The following CD33 variants were observed in gnomAD, a reference collection of about 807,000 sequenced individuals.
CD33 encodes the protein CD33 molecule.
Under a neutral mutation model 31.4 loss-of-function variants are expected in CD33, and 25 were observed. The ratio of observed to expected loss-of-function variants is 0.80; its 90% CI spans 0.58 to 1.11. The LOEUF is 1.11. Among genes scored for constraint, CD33 ranks in the 50% most tolerant of loss-of-function variants. CD33 has a pLI of 0.00. For missense variants in CD33, 407 were observed against 448.1 expected (o/e 0.91, Z 0.83); for synonymous variants, 176 against 180.6 (o/e 0.97, Z 0.20).
At position 51,235,683 on chromosome 19, in the gene CD33, G is replaced by A. The variant is rs751618546; in HGVS notation, c.924+7G>A. Reference sequence around the variant, plus strand: ...CACAGGGTCAGCCTCCCCGGTGAGTGATGGGGCATCCTGGCATCCAGTCTG... The same window carrying A: ...CACAGGGTCAGCCTCCCCGGTGAGTAATGGGGCATCCTGGCATCCAGTCTG... On this transcript the variant is annotated splice_region_variant and intron_variant, in intron 6 of 6. Transcript: ENST00000262262. 1 of 1,610,308 alleles carries A rather than the reference G, an allele frequency of 6.2e-7. No individual in the cohort carries two copies. Among genetic ancestry groups the A allele is most frequent in the South Asian group, 1.1e-5 (1 of 90,252 alleles).
At chr19:51,221,632 G>A (rs1216721371), upstream of CD33, among the ~76,000 whole-genome samples, 1 of 152,084 alleles carries the variant, frequency 6.6e-6, no homozygotes, top group Non-Finnish European at 1.5e-5. Flanking sequence ...ATAGGACCAG[G>A]CACCTGACTC....
At position 51,239,687 on chromosome 19, in the gene CD33, G is replaced by T; in HGVS notation, c.1094G>T (p.Ter365LeuextTer10). Residue 365 changes from the stop codon to leucine, a stop_lost, in exon 7 of 7, where the codon TGA becomes TTA. Transcript: ENST00000262262. Reference sequence around the variant, plus strand: ...GAATACTCAGAGGTCAGGACCCAGTGAGGAACCCACAAGAGCATCAGGCTC... The same window carrying T: ...GAATACTCAGAGGTCAGGACCCAGTTAGGAACCCACAAGAGCATCAGGCTC... Reference protein sequence around the residue: ...STEYSEVRTQ* With the variant: ...STEYSEVRTQL 1 of 1,607,486 alleles carries T rather than the reference G, an allele frequency of 6.2e-7. No individual in the cohort carries two copies. Among genetic ancestry groups the T allele is most frequent in the Non-Finnish European group, 8.5e-7 (1 of 1,177,402 alleles).
At chr19:51,230,190 T>G (rs1370245725) in intron 4 of CD33, among the ~76,000 whole-genome samples, 1 of 152,056 alleles carries the variant, frequency 6.6e-6, no homozygotes, top group Non-Finnish European at 1.5e-5. Context: ...TTTCCCTTGG[T>G]ATTGATTTTT....
At position 51,225,417 on chromosome 19, in the gene CD33, T is replaced by C. The variant is rs1267000578; in HGVS notation, c.237T>C (p.Asp79=). ...CTCCAGTGGCCACAAACAAGCTAGA[T>C]CAAGAAGTACAGGAGGAGACTCAGG... The part of the protein sequence containing the change: ...RDSPVATNKL[D]QEVQEETQGR... Residue 79 remains aspartate (D), a synonymous_variant, in exon 2 of 7, where the codon GAT becomes GAC. Coordinates refer to ENST00000262262, the MANE Select transcript of CD33 (RefSeq NM_001772.4). 1 of 1,614,114 alleles carries C rather than the reference T, an allele frequency of 6.2e-7. No individual in the cohort carries two copies. Among genetic ancestry groups the C allele is most frequent in the East Asian group, 2.2e-5 (1 of 44,878 alleles).
At chr19:51,224,580 T>C (rs1980852566), upstream of CD33, among the ~76,000 whole-genome samples, 1 of 152,242 alleles carries the variant, frequency 6.6e-6, no homozygotes, top group East Asian at 1.9e-4. Context: ...TCACTATATC[T>C]TTAGTGAATG....
At chr19:51,219,346 C>T in the CD33 span, among the ~76,000 whole-genome samples, 1 of 152,136 alleles carries the variant, frequency 6.6e-6, no homozygotes, top group African/African-American at 2.4e-5. Flanking sequence ...TATAGAAGTG[C>T]TACTGATTTT....
At chr19:51,215,259 C>A in the CD33 span, among the ~76,000 whole-genome samples, 1 of 152,282 alleles carries the variant, frequency 6.6e-6, no homozygotes, top group South Asian at 2.1e-4. Context: ...GGTGAGAATT[C>A]CACATGGTTC....
At chr19:51,211,417 C>T in the CD33 span, 53 of 1,570,508 alleles carry the variant, frequency 3.4e-5, no homozygotes, top group South Asian at 5.7e-4. Flanking sequence ...TCAAGAAGTA[C>T]AGGAGGAGAC....
In CD33 at chr19:51,225,657, G is replaced by A. The variant is rs1980951127; in HGVS notation, c.418+59G>A. 8 of 1,535,016 alleles carry A rather than the reference G, an allele frequency of 5.2e-6. No homozygotes were observed. The East Asian group carries it at 1.8e-4, about 35-fold the overall frequency. Reference sequence around the variant, plus strand: ...AAGTTCATGGGTACTGCAGGGCAGGGCTGGGATGGGACCCTGGTACTGGGA... The same window carrying A: ...AAGTTCATGGGTACTGCAGGGCAGGACTGGGATGGGACCCTGGTACTGGGA... On this transcript the variant is annotated intron_variant, in intron 2 of 6. Coordinates refer to ENST00000262262, the MANE Select transcript of CD33 (RefSeq NM_001772.4).
At chr19:51,214,421 T>C in the CD33 span, among the ~76,000 whole-genome samples, 18 of 150,168 alleles carry the variant, frequency 1.2e-4, no homozygotes, top group Admixed American at 2.0e-4. Context: ...TGGTCTCGAA[T>C]TTCTGACCTC....
chr19:51,219,089 T>C, the CD33 span, among the ~76,000 whole-genome samples: 1 of 152,220 alleles, frequency 6.6e-6, no homozygotes, highest in Non-Finnish European at 1.5e-5. Flanking sequence ...AGGAATTGCA[T>C]TGAATCTGTA....
chr19:51,211,415 T>A, the CD33 span: 1 of 1,570,984 alleles, frequency 6.4e-7, no homozygotes, highest in Non-Finnish European at 8.6e-7. Context: ...GATCAAGAAG[T>A]ACAGGAGGAG....
intron 4 of CD33, among the ~76,000 whole-genome samples, chr19:51,233,416 G>A (rs1981563722): frequency 6.6e-6 from 1 of 152,156 alleles, no homozygotes; most frequent in African/African-American, 2.4e-5. Flanking sequence ...GCCAATCCTG[G>A]GCCCAGGCTC....
intron 4 of CD33, among the ~76,000 whole-genome samples, chr19:51,231,766 ATT>A (rs796405589): frequency 7.3e-6 from 1 of 136,600 alleles, no homozygotes; most frequent in Admixed American, 8.0e-5. Context: ...TATTTTTATT[ATT>A]TTTTTTTTGA....
Position 51,239,620 on chromosome 19 carries a change from C to T in CD33, c.1027C>T (p.Leu343Phe), listed in dbSNP as rs144841888. 1.2e-4 allele frequency: 192 copies of T among 1,613,864 alleles called. No individual in the cohort carries two copies. Among genetic ancestry groups the T allele is most frequent in the Admixed American group, 1.5e-4 (9 of 59,974 alleles). ...EMDEELHYAS[L>F]NFHGMNPSKD... ...GGATGAGGAGCTGCATTATGCTTCCCTCAACTTTCATGGGATGAATCCTTC... is the reference window on the plus strand; with the variant it reads ...GGATGAGGAGCTGCATTATGCTTCCTTCAACTTTCATGGGATGAATCCTTC... Residue 343 changes from leucine to phenylalanine, a missense_variant, in exon 7 of 7, where the codon CTC (leucine) becomes TTC (phenylalanine). Transcript: ENST00000262262.
upstream of CD33, among the ~76,000 whole-genome samples, chr19:51,223,505 A>C (rs1980789188): frequency 6.6e-6 from 1 of 152,148 alleles, no homozygotes. Flanking sequence ...GCTGGACCTA[A>C]AGTTTAATTT....
upstream of CD33, among the ~76,000 whole-genome samples, chr19:51,220,419 C>G (rs1980631290): frequency 6.6e-6 from 1 of 152,148 alleles, no homozygotes; most frequent in Non-Finnish European, 1.5e-5. Context: ...GGATCCATAC[C>G]TCGCTTCTTC....
chr19:51,224,227 G>A (rs757403079), upstream of CD33, among the ~76,000 whole-genome samples: 3 of 152,152 alleles, frequency 2.0e-5, no homozygotes, highest in Non-Finnish European at 4.4e-5. Context: ...AGAGAGAGGT[G>A]TGTGTCTGTA....
chr19:51,224,666 G>A (rs147105158), upstream of CD33, among the ~76,000 whole-genome samples: 29 of 152,156 alleles, frequency 1.9e-4, no homozygotes, highest in Middle Eastern at 3.4e-3. Flanking sequence ...ACACTCACAC[G>A]GACCCTATAG....
Sources: gnomAD v4.1 joint callset for allele counts (sites outside exome capture counted in the v4.1 genomes callset) on GRCh38, gnomAD v4.1.1 for gene constraint, MANE v1.5 for transcripts, NCBI Gene and HGNC (gene_info 2026-07-23, HGNC 2026-07-21) for gene names.